CDKAL1: variants seen among roughly 807,000 people sequenced by gnomAD.
The protein encoded by CDKAL1 is CDKAL1 threonylcarbamoyladenosine tRNA methylthiotransferase, also known as threonylcarbamoyladenosine tRNA methylthiotransferase.
A neutral mutation model predicts 68.2 loss-of-function variants in CDKAL1; 32 were observed. The observed-to-expected ratio is 0.47, with a 90% CI of 0.35 to 0.63. The LOEUF is 0.63. Ranked by LOEUF, CDKAL1 falls within the 30% of genes least tolerant of loss-of-function variation. CDKAL1 has a pLI of 0.00. For missense variants in CDKAL1, 606 were observed against 696.7 expected (o/e 0.87, Z 1.47); for synonymous variants, 234 against 244.3 (o/e 0.96, Z 0.39).
At chr6:21,130,329 A>T (rs1196427620) in intron 13 of CDKAL1, among the ~76,000 whole-genome samples, 1 of 149,528 alleles carries the variant, frequency 6.7e-6, no homozygotes, top group Non-Finnish European at 1.5e-5. Context: ...GATTCGAGCG[A>T]TTATCCTGCC....
chr6:20,965,345 G>GGGAGGGAAGA (rs1581926286), intron 10 of CDKAL1, among the ~76,000 whole-genome samples: 1 of 135,016 alleles, frequency 7.4e-6, no homozygotes, highest in South Asian at 2.7e-4. Context: ...GGGAGGGGAG[G>GGGAGGGAAGA]GAAGAGGGAA....
intron 14 of CDKAL1, among the ~76,000 whole-genome samples, chr6:21,200,635 A>T (rs1778649954): frequency 6.6e-6 from 1 of 152,236 alleles, no homozygotes; most frequent in South Asian, 2.1e-4. Context: ...CAAAAGCAAG[A>T]TATCAAAGGC....
intron 9 of CDKAL1, among the ~76,000 whole-genome samples, chr6:20,903,839 G>A (rs1413349725): frequency 6.6e-6 from 1 of 152,206 alleles, no homozygotes; most frequent in South Asian, 2.1e-4. Flanking sequence ...AGAGTAGAAA[G>A]CACCAGGAAT....
rs75365944 is a variant in CDKAL1 at position 21,113,279 on chromosome 6, T to G, written c.1299+4816T>G. 7.6e-3 allele frequency among the ~76,000 whole-genome samples: 1,159 copies of G among 152,246 alleles called. 67 individuals carry two copies. In the East Asian group the frequency reaches 0.15, roughly 20 times the overall value. On this transcript the variant is annotated intron_variant, in intron 13 of 15. Transcript: ENST00000274695. The stretch of plus-strand genomic sequence containing the variant: ...TTTTAGAAATAACTTTTACTTACCT[T>G]GAAAAGTCTCAGGAACTGCTGCTTC...
At chr6:20,842,275 A>C (rs1778202307) in intron 8 of CDKAL1, among the ~76,000 whole-genome samples, 1 of 152,150 alleles carries the variant, frequency 6.6e-6, no homozygotes, top group African/African-American at 2.4e-5. Flanking sequence ...TATTATAACA[A>C]ATCTCTTCTT....
At chr6:20,817,083 G>A (rs1017217392) in intron 8 of CDKAL1, among the ~76,000 whole-genome samples, 2 of 152,028 alleles carry the variant, frequency 1.3e-5, no homozygotes, top group African/African-American at 4.8e-5. Flanking sequence ...TGAAAGGTAG[G>A]CATTAAAACC....
intron 13 of CDKAL1, among the ~76,000 whole-genome samples, chr6:21,150,002 C>T (rs879598188): frequency 2.0e-5 from 3 of 152,096 alleles, no homozygotes; most frequent in African/African-American, 7.2e-5. Context: ...GGACTACAGG[C>T]GCCCACCACC....
intron 13 of CDKAL1, among the ~76,000 whole-genome samples, chr6:21,129,032 C>G (rs1254746431): frequency 1.3e-5 from 2 of 152,150 alleles, no homozygotes; most frequent in East Asian, 1.9e-4. Flanking sequence ...GCTTTTTTGT[C>G]TCTAAAATGG....
intron 4 of CDKAL1, among the ~76,000 whole-genome samples, chr6:20,643,096 G>A (rs992467241): frequency 1.7e-4 from 26 of 152,196 alleles, no homozygotes; most frequent in African/African-American, 6.0e-4. Context: ...GAGGTTACGA[G>A]CACTCTAAGG....
At chr6:21,132,644 A>G (rs778087149) in intron 13 of CDKAL1, among the ~76,000 whole-genome samples, 3 of 152,146 alleles carry the variant, frequency 2.0e-5, no homozygotes, top group Non-Finnish European at 4.4e-5. Context: ...TAGATAACAC[A>G]TTTAAGTTTT....
intron 11 of CDKAL1, among the ~76,000 whole-genome samples, chr6:21,063,280 G>C (rs1771244453): frequency 1.3e-5 from 2 of 152,136 alleles, no homozygotes; most frequent in African/African-American, 2.4e-5. Context: ...TTTCCCTATT[G>C]TTTATGGACT....
chr6:21,204,287 C>T (rs940723724), intron 15 of CDKAL1, among the ~76,000 whole-genome samples: 44 of 152,142 alleles, frequency 2.9e-4, no homozygotes, highest in Admixed American at 2.0e-3. Context: ...ATACCTATTA[C>T]CCACCCTTAG....
chr6:20,736,528 T>C (rs188404235), intron 5 of CDKAL1, among the ~76,000 whole-genome samples: 27 of 152,272 alleles, frequency 1.8e-4, no homozygotes, highest in African/African-American at 6.3e-4. Flanking sequence ...CCCAGCACTT[T>C]GGGAGGCCGA....
intron 10 of CDKAL1, among the ~76,000 whole-genome samples, chr6:20,985,932 A>C (rs1766429714): frequency 1.3e-5 from 2 of 152,110 alleles, no homozygotes; most frequent in Non-Finnish European, 2.9e-5. Context: ...CAAATGAAGA[A>C]ATTTTTTCTT....
At chr6:20,765,049 GT>G (rs2150356253) in intron 7 of CDKAL1, among the ~76,000 whole-genome samples, 1 of 151,084 alleles carries the variant, frequency 6.6e-6, no homozygotes, top group South Asian at 2.1e-4. Context: ...CAATGAGCCT[GT>G]TTGTTTTAAG....
chr6:21,043,992 C>T (rs1419305352), intron 11 of CDKAL1, among the ~76,000 whole-genome samples: 1 of 152,154 alleles, frequency 6.6e-6, no homozygotes, highest in Non-Finnish European at 1.5e-5. Context: ...GAGCTACATA[C>T]ATAGATTGAA....
chr6:21,041,345 C>T (rs923792352), intron 11 of CDKAL1, among the ~76,000 whole-genome samples: 4 of 152,182 alleles, frequency 2.6e-5, no homozygotes, highest in Admixed American at 6.5e-5. Flanking sequence ...ACTGGGAACA[C>T]GTACATGAAT....
At chr6:21,122,967 A>C (rs1457844345) in intron 13 of CDKAL1, among the ~76,000 whole-genome samples, 1 of 152,094 alleles carries the variant, frequency 6.6e-6, no homozygotes, top group Admixed American at 6.6e-5. Context: ...CTTTAAAAAG[A>C]GGAGATAGGA....
At chr6:20,740,397 G>A (rs1773397788) in intron 6 of CDKAL1, among the ~76,000 whole-genome samples, 1 of 152,098 alleles carries the variant, frequency 6.6e-6, no homozygotes, top group African/African-American at 2.4e-5. Context: ...CTTGTTCTTT[G>A]TAGTCAATTA....
Sources: allele counts gnomAD v4.1 joint callset (sites outside exome capture counted in the v4.1 genomes callset), GRCh38; gene constraint gnomAD v4.1.1; transcripts MANE v1.5; gene names NCBI Gene and HGNC (gene_info 2026-07-23, HGNC 2026-07-21).